PIEZO2: variants seen among roughly 807,000 people sequenced by gnomAD.
PIEZO2 encodes the protein piezo-type mechanosensitive ion channel component 2.
A neutral mutation model predicts 337.3 loss-of-function variants in PIEZO2; 172 were observed. The observed-to-expected ratio is 0.51, with a 90% confidence interval of 0.45 to 0.58. The LOEUF (loss-of-function observed/expected upper bound fraction) is 0.58. Among genes scored for constraint, PIEZO2 ranks in the 20% least tolerant of loss-of-function variants. The pLI, the probability that PIEZO2 is intolerant of heterozygous loss-of-function variation, is 0.00. For synonymous variants in PIEZO2, 1,251 were observed against 1,228.5 expected, an observed-to-expected ratio of 1.02 and a Z score of -0.38; for missense variants, 3,028 against 3,391.3, an observed-to-expected ratio of 0.89 and a Z score of 2.66.
chr18:10,697,811 C>T lies in PIEZO2; in HGVS notation c.6764G>A (p.Arg2255Lys). ...TTGAAGCTTTTCCATATAAAGTTCCCTTTTGCCTTTTTGCTTAATACTCAA... is the reference window on the plus strand; with the variant it reads ...TTGAAGCTTTTCCATATAAAGTTCCTTTTTGCCTTTTTGCTTAATACTCAA... ...SVLSIKQKGK[R>K]ELYMEKLQEH... The change falls in exon 45 of 56, where the codon AGG becomes AAG. Residue 2255 changes from arginine to lysine, a missense_variant. Physicochemically the swap from Arg to Lys is conservative, Grantham distance 26. Transcript: ENST00000674853. The T allele has an allele frequency of 6.2e-7, 1 of 1,614,152 alleles. No individual in the cohort carries two copies. The highest frequency in any genetic ancestry group is 1.3e-5 in the African/African-American group (1 of 75,046).
At chr18:10,729,374 C>A (rs2036671367) in intron 36 of PIEZO2, among the ~76,000 whole-genome samples, 2 of 152,000 alleles carry the variant, frequency 1.3e-5, no homozygotes, top group African/African-American at 4.8e-5. Context: ...GCCTGTAATC[C>A]CAGCACTTTG....
rs2035197627 is a variant in PIEZO2 at position 10,993,744 on chromosome 18, G to A, written c.161-14084C>T. ...GTGTTTCACCATGTTAGCCAGGATG[G>A]TCTCGATCTCCTGACTTCGTGATCT... On this transcript the variant is annotated intron_variant, in intron 2 of 55. Coordinates refer to ENST00000674853, the MANE Select transcript of PIEZO2 (RefSeq NM_001378183.1). This position sits in a 1 kb window ranked among gnomAD's most constrained non-coding sequence, Gnocchi z 5.0. 6.6e-6 allele frequency among the ~76,000 whole-genome samples: 1 copy of A among 152,104 alleles called. No homozygotes were observed. The highest frequency in any genetic ancestry group is 6.6e-5 in the Admixed American group (1 of 15,266).
intron 2 of PIEZO2, among the ~76,000 whole-genome samples, chr18:10,994,790 G>C (rs2145574387): frequency 6.6e-6 from 1 of 151,906 alleles, no homozygotes; most frequent in African/African-American, 2.4e-5. Flanking sequence ...GTGTAGAATT[G>C]TTCCCTGTTT....
intron 33 of PIEZO2, chr18:10,739,764 T>C (rs1467861759): frequency 3.9e-5 from 6 of 152,230 alleles, no homozygotes; most frequent in African/African-American, 1.4e-4. Flanking sequence ...TTTCTAATCT[T>C]GTGTTTTTCT....
Position 10,716,530 on chromosome 18 carries a change from A to C in PIEZO2, c.5090-714T>G, listed in dbSNP as rs2036016745. On this transcript the variant is annotated intron_variant, in intron 37 of 55. Transcript: ENST00000674853. The surrounding 1 kb of genome is among the most constrained non-coding windows in gnomAD (Gnocchi z 4.1). ...GGTACATTTAAGAAGCAAGGAAAAG[A>C]GCGGGTATCTTTTGCTGAGCAAGGA... 6.6e-6 allele frequency among the ~76,000 whole-genome samples: 1 copy of C among 152,214 alleles called. No homozygotes were observed. The highest frequency in any genetic ancestry group is 6.5e-5 in the Admixed American group (1 of 15,284).
At chr18:10,986,673 C>T (rs1233469277) in intron 2 of PIEZO2, among the ~76,000 whole-genome samples, 1 of 151,980 alleles carries the variant, frequency 6.6e-6, no homozygotes, top group Non-Finnish European at 1.5e-5. Context: ...AACAGTAGCA[C>T]ACTCTTGCTG....
At chr18:10,871,599 A>G (rs1167994705) in intron 4 of PIEZO2, among the ~76,000 whole-genome samples, 184 bp from the exon 5 acceptor site, 2 of 152,228 alleles carry the variant, frequency 1.3e-5, no homozygotes, top group Non-Finnish European at 1.5e-5. Flanking sequence ...ACATTCAGGA[A>G]GATTCCAGTG....
intron 7 of PIEZO2, among the ~76,000 whole-genome samples, chr18:10,843,610 C>A (rs542251878): frequency 1.3e-5 from 2 of 152,130 alleles, no homozygotes; most frequent in Non-Finnish European, 2.9e-5. Flanking sequence ...TTATCCACTT[C>A]GTATTTTGAA....
chr18:10,892,450 A>T (rs1385562053), intron 4 of PIEZO2, among the ~76,000 whole-genome samples: 1 of 152,152 alleles, frequency 6.6e-6, no homozygotes, highest in Non-Finnish European at 1.5e-5. Flanking sequence ...GAAAAATCAG[A>T]TCAGTGGTTG....
intron 42 of PIEZO2, 88 bp downstream of exon 42, chr18:10,704,306 G>A (rs756850257): frequency 1.3e-4 from 185 of 1,462,682 alleles, no homozygotes; most frequent in Middle Eastern, 1.2e-3. Context: ...GGGCAGGCCC[G>A]TCTCAAGAGA....
At position 10,763,018 on chromosome 18, in the gene PIEZO2, A is replaced by G. The variant is rs2143887076; in HGVS notation, c.3027T>C (p.Ser1009=). 1 of 1,537,320 alleles carries G rather than the reference A, an allele frequency of 6.5e-7. No homozygotes were observed. The highest frequency in any genetic ancestry group is 8.7e-7 in the Non-Finnish European group (1 of 1,146,906). The change falls in exon 22 of 56, where the codon AGT becomes AGC. Residue 1009 remains serine, a synonymous_variant. Coordinates refer to ENST00000674853, the MANE Select transcript of PIEZO2 (RefSeq NM_001378183.1). ...PYAKLRRLAS[S]VCTVWTCVII... is the part of the protein sequence containing the mutation. ...TCACACACGTCCAGACTGTGCAGAC[A>G]CTTGAAGCCAGACGGCGCAGCTTGG...
chr18:10,740,866 G>A lies in PIEZO2; in HGVS notation c.4708+165C>T, dbSNP rs1246417476. On this transcript the variant is annotated intron_variant, in intron 33 of 55. Transcript: ENST00000674853. ...TGTCTCTGGAAGAATTGGACCCCGGGCTCAAAGACCCACTGACATTAAAAT... is the reference window on the plus strand; with the variant it reads ...TGTCTCTGGAAGAATTGGACCCCGGACTCAAAGACCCACTGACATTAAAAT... The A allele has an allele frequency of 6.8e-6, 5 of 733,016 alleles. No homozygotes were observed. In the South Asian group the frequency reaches 7.4e-5, roughly 11 times the overall value. The allele number at this position is 733,016 out of a possible 1,614,324, so 45.4% of individuals were successfully genotyped here.
chr18:10,937,649 G>C (rs1396543464), intron 3 of PIEZO2, among the ~76,000 whole-genome samples: 1 of 152,084 alleles, frequency 6.6e-6, no homozygotes, highest in African/African-American at 2.4e-5. Flanking sequence ...CACAAAATTG[G>C]ATTTTTTCTT....
At chr18:10,916,306 T>C (rs920829635) in intron 3 of PIEZO2, among the ~76,000 whole-genome samples, 2 of 152,096 alleles carry the variant, frequency 1.3e-5, no homozygotes. Context: ...AGCCCTTGGG[T>C]GGCCGATGGG....
chr18:10,995,082 A>AAAAAAAAAAAAAAAAAG (rs2035266843), intron 2 of PIEZO2, among the ~76,000 whole-genome samples: 1 of 128,124 alleles, frequency 7.8e-6, no homozygotes, highest in African/African-American at 3.1e-5. Flanking sequence ...CGTCTCAAAA[A>AAAAAAAAAAAAAAAAAG]AAAAAAAAAA....
intron 42 of PIEZO2, among the ~76,000 whole-genome samples, chr18:10,703,444 C>T (rs945083819): frequency 2.0e-5 from 3 of 152,194 alleles, no homozygotes; most frequent in Non-Finnish European, 4.4e-5. Flanking sequence ...CAACCAAATA[C>T]TTTTGAGATG....
Position 10,773,304 on chromosome 18 carries a change from T to A in PIEZO2, c.2785+108A>T, listed in dbSNP as rs1024025171. ...CAAACAAAAACCACTCCAATTTTTA[T>A]GTCATGGACTGGGTCAAATATATAT... On this transcript the variant is annotated intron_variant, in intron 20 of 55. Transcript: ENST00000674853. The surrounding 1 kb of genome is among the most constrained non-coding windows in gnomAD (Gnocchi z 5.3). 4.3e-5 allele frequency: 48 copies of A among 1,115,986 alleles called. No individual in the cohort carries two copies. The East Asian group carries it at 1.2e-3, about 29-fold the overall frequency. The allele number at this position is 1,115,986 out of a possible 1,614,324, so 69.1% of individuals were successfully genotyped here.
rs1019690556 is a variant in PIEZO2 at position 10,856,573 on chromosome 18, T to C, written c.703+428A>G. On this transcript the variant is annotated intron_variant, in intron 6 of 55. Coordinates refer to ENST00000674853, the MANE Select transcript of PIEZO2 (RefSeq NM_001378183.1). The surrounding 1 kb of genome is among the most constrained non-coding windows in gnomAD (Gnocchi z 4.7). ...ATCTAACTTAGGAAGAAAAATAGTC[T>C]ATCCTGGAGAGTTATATTAAGGTGA... Among the ~76,000 whole-genome samples the C allele has an allele frequency of 1.3e-5, 2 of 152,282 alleles. No homozygotes were observed. Among genetic ancestry groups the C allele is most frequent in the Middle Eastern group, 3.4e-3 (1 of 294 alleles).
intron 3 of PIEZO2, among the ~76,000 whole-genome samples, chr18:10,939,184 A>G (rs992203608): frequency 6.7e-6 from 1 of 148,428 alleles, no homozygotes; most frequent in Non-Finnish European, 1.5e-5. Context: ...CCAAAATTTT[A>G]ATTCTGAGCC....
Sources: gnomAD v4.1 joint callset for allele counts (sites outside exome capture counted in the v4.1 genomes callset) on GRCh38, gnomAD v4.1.1 for gene constraint, Gnocchi (gnomAD v3.1) non-coding constraint, MANE v1.5 for transcripts, NCBI Gene and HGNC (gene_info 2026-07-23, HGNC 2026-07-21) for gene names.